The following SCN1A variants were observed in gnomAD, a reference collection of about 807,000 sequenced individuals.
SCN1A encodes sodium channel protein type 1 subunit alpha.
SCN1A carries 13 observed loss-of-function variants against 193.7 expected under a neutral mutation model. The ratio of observed to expected loss-of-function variants is 0.07; its 90% CI spans 0.04 to 0.11. SCN1A has a LOEUF of 0.11. SCN1A is among the 10% of genes least tolerant of loss of function. The pLI, the probability that SCN1A is intolerant of heterozygous loss-of-function variation, is 1.00. For synonymous variants in SCN1A, 781 were observed against 843.6 expected (o/e 0.93, Z 1.29); for missense variants, 1,432 against 2,451.1 (o/e 0.58, Z 8.78).
At position 166,045,102 on chromosome 2, in the gene SCN1A, G is replaced by T; in HGVS notation, c.1603C>A (p.Arg535Ser). Residue 535 changes from arginine (R) to serine (S), a missense_variant, in exon 13 of 29, where the codon CGC becomes AGC. Arg to Ser is a moderately radical substitution (Grantham distance 110). Transcript: ENST00000674923. ...SEDSIRRKGF[R>S]FSIEGNRLTY... ...AATCGGTTCCCTTCAATGGAGAAGCGAAAACCTTTCCTCCTGATGCTGTCC... is the reference window on the plus strand; with the variant it reads ...AATCGGTTCCCTTCAATGGAGAAGCTAAAACCTTTCCTCCTGATGCTGTCC... 1 of 1,614,156 alleles carries T rather than the reference G, an allele frequency of 6.2e-7. No individual in the cohort carries two copies. Among genetic ancestry groups the T allele is most frequent in the African/African-American group, 1.3e-5 (1 of 75,040 alleles).
Position 166,043,866 on chromosome 2 carries a change from C to T in SCN1A, c.1846G>A (p.Glu616Lys). 6.2e-7 allele frequency: 1 copy of T among 1,614,204 alleles called. No homozygotes were observed. Among genetic ancestry groups the T allele is most frequent in the Non-Finnish European group, 8.5e-7 (1 of 1,180,022 alleles). Residue 616 changes from glutamate (E) to lysine (K), a missense_variant, in exon 14 of 29, where the codon GAG becomes AAG. Around this residue, in one of 18 missense-constraint regions of SCN1A, gnomAD observed 316 missense variants for 362.1 expected, o/e 0.87. Coordinates refer to ENST00000674923, the MANE Select transcript of SCN1A (RefSeq NM_001165963.4). ...TGACTCAGGTTGCTGTTGCGTCTCT[C>T]TCCGTGTCGTCGGGGCACAAACAAG... ...DSLFVPRRHGERRNSNLSQTS... is the reference protein window; with the variant it reads ...DSLFVPRRHGKRRNSNLSQTS...
rs575021930 is a variant in SCN1A at position 166,125,774 on chromosome 2, T to C, written c.-142+1150A>G. ...ACTGTATAATTAACTAGGCCTCCAA[T>C]TGTGCCCCGCCTTGCCCCAGCCCAT... is the stretch of plus-strand genomic sequence containing the variant. On this transcript the variant is annotated intron_variant, in intron 2 of 28. Coordinates refer to ENST00000674923, the MANE Select transcript of SCN1A (RefSeq NM_001165963.4). Among the ~76,000 whole-genome samples, 9 of 152,206 alleles carry C rather than the reference T, an allele frequency of 5.9e-5. No individual in the cohort carries two copies. In the South Asian group the frequency reaches 6.2e-4, roughly 11 times the overall value.
At chr2:166,020,206 G>A (rs1023235665) in intron 19 of SCN1A, among the ~76,000 whole-genome samples, 1 of 152,158 alleles carries the variant, frequency 6.6e-6, no homozygotes, top group East Asian at 1.9e-4. Flanking sequence ...CACCACGCCC[G>A]GCCCAAGGTG....
intron 2 of SCN1A, among the ~76,000 whole-genome samples, chr2:166,121,118 GA>G (rs11299049): frequency 0.091 from 8,793 of 96,550 alleles, 623 homozygotes; most frequent in Admixed American, 0.23. Context: ...GGAAAAAAAA[GA>G]AAAAAAAAAA....
chr2:166,106,006 T>C (rs983587832), intron 2 of SCN1A, among the ~76,000 whole-genome samples: 4 of 151,972 alleles, frequency 2.6e-5, no homozygotes, highest in African/African-American at 9.7e-5. Context: ...GCTAACACGG[T>C]GAAAACCCGT....
At position 166,043,627 on chromosome 2, in the gene SCN1A, A is replaced by G. The variant is rs976610035; in HGVS notation, c.2043+42T>C. On this transcript the variant is annotated intron_variant, in intron 14 of 28. Transcript: ENST00000674923. ...TGTAGAAACACTGGCTGGTGCAGCA[A>G]TAGTGAGCCAGCCATGCCTGAACTA... 23 of 1,568,434 alleles carry G rather than the reference A, an allele frequency of 1.5e-5. No homozygotes were observed. In the Admixed American group the frequency reaches 2.5e-4, roughly 17 times the overall value.
intron 4 of SCN1A, chr2:166,071,568 A>G (rs1230159333): frequency 2.0e-5 from 3 of 151,328 alleles, no homozygotes; most frequent in African/African-American, 7.3e-5. Flanking sequence ...TGTAACATTA[A>G]AGTTGTATAA....
At chr2:166,094,401 A>T (rs1475436441) in intron 2 of SCN1A, among the ~76,000 whole-genome samples, 1 of 152,222 alleles carries the variant, frequency 6.6e-6, no homozygotes, top group Non-Finnish European at 1.5e-5. Context: ...AGTTGATAGT[A>T]AGTTGTGCCC....
At chr2:166,026,651 T>TTAATGGAA (rs1017008216) in intron 19 of SCN1A, among the ~76,000 whole-genome samples, 1 of 151,612 alleles carries the variant, frequency 6.6e-6, no homozygotes, top group African/African-American at 2.4e-5. Context: ...GTTTTAGAGA[T>TTAATGGAA]TAATGGAATA....
rs760249153 is a variant in SCN1A at position 165,992,222 on chromosome 2, C to A, written c.5053G>T (p.Ala1685Ser). ...GCAAAGTTGGACATCCCAAAGATGG[C>A]GTAGATGAACATGACTAGGAAGAGT... ...LLLFLVMFIY[A>S]IFGMSNFAYV... The change falls in exon 29 of 29, where the codon GCC (alanine) becomes TCC (serine). Residue 1685 changes from alanine (A) to serine (S), a missense_variant. By Grantham distance (99) the Ala-to-Ser change is moderately conservative (BLOSUM62 1). Around this residue, in one of 18 missense-constraint regions of SCN1A, gnomAD observed 85 missense variants for 213.2 expected, o/e 0.40. Coordinates refer to ENST00000674923, the MANE Select transcript of SCN1A (RefSeq NM_001165963.4). The surrounding 1 kb of genome is among the most constrained non-coding windows in gnomAD (Gnocchi z 6.5). 8 of 1,613,594 alleles carry A rather than the reference C, an allele frequency of 5.0e-6. No homozygotes were observed. The highest frequency in any genetic ancestry group is 5.9e-6 in the Non-Finnish European group (7 of 1,179,874).
chr2:166,136,379 A>T (rs1322429350), intron 1 of SCN1A, among the ~76,000 whole-genome samples: 3 of 152,102 alleles, frequency 2.0e-5, no homozygotes, highest in African/African-American at 7.2e-5. Context: ...CATTTGCTCT[A>T]CTTCACATGG....
chr2:166,137,485 A>T (rs1454518741), intron 1 of SCN1A: 1 of 152,172 alleles, frequency 6.6e-6, no homozygotes, highest in African/African-American at 2.4e-5. Flanking sequence ...TGTTCTCATG[A>T]TAGTGCATAA....
chr2:166,097,103 C>A (rs929246174), intron 2 of SCN1A, among the ~76,000 whole-genome samples: 1 of 151,620 alleles, frequency 6.6e-6, no homozygotes, highest in Admixed American at 6.6e-5. Context: ...CTCACTGCAA[C>A]CTAACTCTCC....
intron 19 of SCN1A, among the ~76,000 whole-genome samples, chr2:166,023,884 C>G (rs1204876808): frequency 2.0e-5 from 3 of 151,794 alleles, no homozygotes; most frequent in Non-Finnish European, 4.4e-5. Flanking sequence ...CAAGCGATTC[C>G]CCTGCCTCAG....
At chr2:166,113,731 G>T (rs1457104036) in intron 2 of SCN1A, among the ~76,000 whole-genome samples, 1 of 152,128 alleles carries the variant, frequency 6.6e-6, no homozygotes, top group Non-Finnish European at 1.5e-5. Context: ...GGTAGTAGGT[G>T]CAAGGTGGGT....
chr2:166,071,017 C>T (rs1194785626), intron 4 of SCN1A, among the ~76,000 whole-genome samples: 1 of 152,100 alleles, frequency 6.6e-6, no homozygotes. Flanking sequence ...AGCAAAAGGC[C>T]TGTTGAGGAT....
chr2:166,037,465 T>A (rs1287355573), intron 18 of SCN1A, among the ~76,000 whole-genome samples: 1 of 152,186 alleles, frequency 6.6e-6, no homozygotes, highest in South Asian at 2.1e-4. Flanking sequence ...CTCAATATGA[T>A]ACTCTATTGT....
chr2:166,032,058 T>C (rs1215294059), intron 19 of SCN1A, among the ~76,000 whole-genome samples: 1 of 152,038 alleles, frequency 6.6e-6, no homozygotes, highest in African/African-American at 2.4e-5. Context: ...TGATGCATTG[T>C]AGATAAGTCA....
chr2:166,013,013 A>G (rs2105603031), intron 21 of SCN1A, among the ~76,000 whole-genome samples: 1 of 151,494 alleles, frequency 6.6e-6, no homozygotes, highest in African/African-American at 2.4e-5. Flanking sequence ...AACTTGTAAC[A>G]CACTTGCATT....
Sources: allele counts gnomAD v4.1 joint callset (sites outside exome capture counted in the v4.1 genomes callset), GRCh38; gene constraint gnomAD v4.1.1; regional missense constraint gnomAD v4.1.1; non-coding constraint Gnocchi (gnomAD v3.1); transcripts MANE v1.5; gene names NCBI Gene and HGNC (gene_info 2026-07-23, HGNC 2026-07-21).